Variants in VWA5A observed in about 807,000 individuals in gnomAD.
The protein encoded by VWA5A is von Willebrand factor A domain-containing protein 5A.
In VWA5A, 77 loss-of-function variants were observed where a neutral mutation model predicts 84.6. The observed-to-expected ratio is 0.91, with a 90% CI of 0.76 to 1.10. The LOEUF (loss-of-function observed/expected upper bound fraction) is 1.10, where lower values mean the gene tolerates loss of function less well. VWA5A is among the 50% of genes least tolerant of loss of function. The pLI is 0.00. For missense variants in VWA5A, 973 were observed against 963.0 expected (o/e 1.01, Z -0.14); for synonymous variants, 334 against 350.1 (o/e 0.95, Z 0.51).
chr11:124,134,024 A>T (rs1865136097), intron 11 of VWA5A, among the ~76,000 whole-genome samples: 2 of 152,190 alleles, frequency 1.3e-5, no homozygotes, highest in South Asian at 4.1e-4. Context: ...AATATTGTTT[A>T]GTTTTGATTT....
intron 11 of VWA5A, among the ~76,000 whole-genome samples, chr11:124,126,138 T>C (rs1865015675): frequency 6.6e-6 from 1 of 152,206 alleles, no homozygotes. Context: ...TTAGTACAGG[T>C]TCATGATAAA....
rs768491447 is a variant in VWA5A at position 124,123,805 on chromosome 11, G to A, written c.1164+1G>A. Reference sequence around the variant, plus strand: ...CTCCATCCCAGGCCACCCCCTACAGGTAAGAAGTGGAACAGAGCTAACAGA... The same window carrying A: ...CTCCATCCCAGGCCACCCCCTACAGATAAGAAGTGGAACAGAGCTAACAGA... On this transcript the variant is annotated splice_donor_variant, in intron 10 of 18. Transcript: ENST00000456829. LOFTEE classifies it high-confidence loss of function. 6.4e-7 allele frequency: 1 copy of A among 1,561,600 alleles called. No individual in the cohort carries two copies. Among genetic ancestry groups the A allele is most frequent in the Admixed American group, 2.0e-5 (1 of 49,558 alleles).
chr11:124,136,993 A>AC, intron 14 of VWA5A, 22 bp from the exon 15 acceptor site: 1 of 1,597,114 alleles, frequency 6.3e-7, no homozygotes. Flanking sequence ...ACATTTCAGT[A>AC]CTTTTTTTTT....
chr11:124,118,587 A>G lies in VWA5A; in HGVS notation c.524A>G (p.Asp175Gly), dbSNP rs1464827749. 4 of 1,614,144 alleles carry G rather than the reference A, an allele frequency of 2.5e-6. No individual in the cohort carries two copies. The highest frequency in any genetic ancestry group is 1.7e-4 in the Middle Eastern group (1 of 6,060). The change falls in exon 6 of 19, where the codon GAC (aspartate) becomes GGC (glycine). Residue 175 changes from aspartate to glycine, a missense_variant. Transcript: ENST00000456829. ...AAGACTCCTATAGTCCCTGTGGAGG[A>G]CCTGCCCTACACACTCAGCATGGTC... is the stretch of plus-strand genomic sequence containing the variant. Reference protein sequence around the residue: ...NVKTPIVPVEDLPYTLSMVAT... With the variant: ...NVKTPIVPVEGLPYTLSMVAT...
intron 11 of VWA5A, among the ~76,000 whole-genome samples, chr11:124,130,970 C>CT (rs1259284466): frequency 6.6e-6 from 1 of 152,096 alleles, no homozygotes; most frequent in African/African-American, 2.4e-5. Context: ...CATTCTTCCT[C>CT]TTTTCTCCAA....
chr11:124,137,050 T>C lies in VWA5A; in HGVS notation c.1661T>C (p.Leu554Pro). Residue 554 changes from leucine (L) to proline (P), a missense_variant, in exon 15 of 19, where the codon CTC (leucine) becomes CCC (proline). Transcript: ENST00000456829. ...TIHRLAAKSL[L>P]QTKDMGLRET... ...CACCGCCTTGCTGCCAAGTCCTTGC[T>C]CCAGACCAAGGACATGGGCCTCAGG... 1.2e-6 allele frequency: 2 copies of C among 1,613,308 alleles called. No individual in the cohort carries two copies. Among genetic ancestry groups the C allele is most frequent in the Non-Finnish European group, 1.7e-6 (2 of 1,179,820 alleles).
chr11:124,138,078 G>T (rs1860648975), intron 15 of VWA5A, among the ~76,000 whole-genome samples: 1 of 152,086 alleles, frequency 6.6e-6, no homozygotes, highest in Non-Finnish European at 1.5e-5. Context: ...CCAGGCTGTG[G>T]CTGGCTTATT....
At chr11:124,138,537 T>G (rs1007203964) in intron 15 of VWA5A, among the ~76,000 whole-genome samples, 4 of 152,212 alleles carry the variant, frequency 2.6e-5, no homozygotes, top group African/African-American at 9.6e-5. Context: ...TCCTGATGAT[T>G]GGTAATGCTG....
In VWA5A at chr11:124,132,982, TTC is replaced by T. The variant is rs1345532729; in HGVS notation, c.1245-1936_1245-1935del. ...AATATTTTCCAATTATCATTATGATTTCTTTTTTAAGCTTGTATAATTCACAA... is the reference window on the plus strand; with the variant it reads ...AATATTTTCCAATTATCATTATGATTTTTTTTAAGCTTGTATAATTCACAA... On this transcript the variant is annotated intron_variant, in intron 11 of 18. Coordinates refer to ENST00000456829, the MANE Select transcript of VWA5A (RefSeq NM_001130142.2). 2.6e-5 allele frequency among the ~76,000 whole-genome samples: 4 copies of T among 152,366 alleles called. No homozygotes were observed. The East Asian group carries it at 5.8e-4, about 22-fold the overall frequency.
At chr11:124,117,943 T>A (rs1565613666) in intron 4 of VWA5A, 68 bp downstream of exon 4, 56 of 1,552,002 alleles carry the variant, frequency 3.6e-5, no homozygotes, top group Non-Finnish European at 4.7e-5. Flanking sequence ...TAATGCATAC[T>A]CTTTATGATC....
intron 11 of VWA5A, among the ~76,000 whole-genome samples, chr11:124,128,087 C>G (rs187289142): frequency 6.6e-6 from 1 of 152,106 alleles, no homozygotes; most frequent in African/African-American, 2.4e-5. Context: ...AGTATTTGCC[C>G]ATGCCTATGT....
intron 11 of VWA5A, among the ~76,000 whole-genome samples, chr11:124,131,077 C>T (rs1330845582): frequency 6.6e-6 from 1 of 152,106 alleles, no homozygotes; most frequent in African/African-American, 2.4e-5. Flanking sequence ...ATAAGTAGTC[C>T]ACCCTTATCC....
intron 15 of VWA5A, among the ~76,000 whole-genome samples, chr11:124,138,433 T>C (rs1591365438): frequency 6.6e-6 from 1 of 152,184 alleles, no homozygotes; most frequent in Non-Finnish European, 1.5e-5. Flanking sequence ...CTTTTCCCCA[T>C]ATCCTCACCA....
At chr11:124,124,908 A>G (rs1273526586) in intron 11 of VWA5A, 1 of 151,674 alleles carries the variant, frequency 6.6e-6, no homozygotes, top group Non-Finnish European at 1.5e-5. Flanking sequence ...CATTTTGAGT[A>G]TAGCCATAGT....
chr11:124,133,159 A>G (rs1361991101), intron 11 of VWA5A, among the ~76,000 whole-genome samples: 1 of 152,220 alleles, frequency 6.6e-6, no homozygotes, highest in Non-Finnish European at 1.5e-5. Flanking sequence ...TGGTCGCTGG[A>G]TAGACTGGGA....
rs779100602 is a variant in VWA5A, at chr11:124,136,184, G to T, written c.1415G>T (p.Ser472Ile). 1 of 1,614,168 alleles carries T rather than the reference G, an allele frequency of 6.2e-7. No individual in the cohort carries two copies. Among genetic ancestry groups the T allele is most frequent in the Non-Finnish European group, 8.5e-7 (1 of 1,180,034 alleles). ...LQPVVEDVSL[S>I]WHLPPGLSAK... ...CCTGTGGTAGAGGATGTCTCTCTGA[G>T]CTGGCATTTGCCTCCTGGTCTGTCT... The change falls in exon 13 of 19, where the codon AGC becomes ATC. Residue 472 changes from serine (S) to isoleucine (I), a missense_variant. Ser to Ile is a moderately radical substitution (Grantham distance 142). Transcript: ENST00000456829.
In VWA5A at chr11:124,117,633, T is replaced by C. The variant is rs368587231; in HGVS notation, c.44-40T>C. 4.3e-5 allele frequency: 69 copies of C among 1,613,978 alleles called. No homozygotes were observed. In the African/African-American group the frequency reaches 7.2e-4, roughly 17 times the overall value. On this transcript the variant is annotated intron_variant, in intron 3 of 18. Coordinates refer to ENST00000456829, the MANE Select transcript of VWA5A (RefSeq NM_001130142.2). ...AGGCTTGATCTACAAGGAGGCAATC[T>C]ATTGAAGCTTGATGAACTTGAACTC...
At chr11:124,130,736 CCTT>C (rs1486022956) in intron 11 of VWA5A, among the ~76,000 whole-genome samples, 1 of 151,992 alleles carries the variant, frequency 6.6e-6, no homozygotes, top group Non-Finnish European at 1.5e-5. Context: ...TATGTAATGC[CCTT>C]CTTTGTCGTT....
chr11:124,138,093 T>C (rs906454180), intron 15 of VWA5A, among the ~76,000 whole-genome samples: 12 of 152,222 alleles, frequency 7.9e-5, no homozygotes, highest in African/African-American at 2.9e-4. Flanking sequence ...CTTATTTCAC[T>C]TGACATAATG....
Sources: gnomAD v4.1 joint callset for allele counts (sites outside exome capture counted in the v4.1 genomes callset) on GRCh38, gnomAD v4.1.1 for gene constraint, MANE v1.5 for transcripts, NCBI Gene and HGNC (gene_info 2026-07-23, HGNC 2026-07-21) for gene names.